Variants in ANKS1B observed in about 807,000 individuals in gnomAD.
The protein encoded by ANKS1B is ankyrin repeat and sterile alpha motif domain containing 1B, also known as ankyrin repeat and sterile alpha motif domain-containing protein 1B.
ANKS1B carries 36 observed loss-of-function variants against 148.3 expected under a neutral mutation model. That is an observed-to-expected ratio of 0.24 (90% CI 0.19 to 0.32). The LOEUF (loss-of-function observed/expected upper bound fraction) is 0.32, where lower values mean the gene tolerates loss of function less well. Among genes scored for constraint, ANKS1B ranks in the 10% least tolerant of loss-of-function variants. The pLI, the probability that ANKS1B is intolerant of heterozygous loss-of-function variation, is 1.00. For missense variants in ANKS1B, 1,157 were observed against 1,542.6 expected, an observed-to-expected ratio of 0.75 and a Z score of 4.19; for synonymous variants, 542 against 560.8, an observed-to-expected ratio of 0.97 and a Z score of 0.47.
At chr12:99,966,177 T>C (rs2095481993) in intron 1 of ANKS1B, among the ~76,000 whole-genome samples, 1 of 152,112 alleles carries the variant, frequency 6.6e-6, no homozygotes, top group Non-Finnish European at 1.5e-5. Flanking sequence ...TTGAATGGGA[T>C]CTGAGGAATA....
chr12:99,467,255 A>T (rs976209998), intron 10 of ANKS1B, among the ~76,000 whole-genome samples: 9 of 152,202 alleles, frequency 5.9e-5, no homozygotes, highest in African/African-American at 2.2e-4. Context: ...CATTCTAAAA[A>T]CTCTCAATAA....
chr12:98,835,264 A>G (rs1354831969), intron 17 of ANKS1B, among the ~76,000 whole-genome samples: 2 of 151,908 alleles, frequency 1.3e-5, no homozygotes, highest in Admixed American at 6.5e-5. Context: ...GTTTTCTCAC[A>G]TATAAAGTGA....
At chr12:99,911,086 G>A (rs2093991275) in intron 1 of ANKS1B, among the ~76,000 whole-genome samples, 2 of 152,004 alleles carry the variant, frequency 1.3e-5, no homozygotes, top group South Asian at 4.1e-4. Flanking sequence ...CTCAATTTAT[G>A]AGAAAACTGA....
intron 8 of ANKS1B, among the ~76,000 whole-genome samples, chr12:99,751,158 C>A (rs376596049): frequency 6.6e-6 from 1 of 151,972 alleles, no homozygotes; most frequent in African/African-American, 2.4e-5. Flanking sequence ...TCTAAACTTT[C>A]TTTAACATTT....
chr12:98,953,789 T>C (rs1333993829), intron 17 of ANKS1B, among the ~76,000 whole-genome samples: 1 of 152,082 alleles, frequency 6.6e-6, no homozygotes, highest in Non-Finnish European at 1.5e-5. Flanking sequence ...AATACTTGCC[T>C]CTGGTAATTT....
intron 9 of ANKS1B, among the ~76,000 whole-genome samples, chr12:99,578,499 CAA>C (rs1461875016): frequency 2.0e-5 from 3 of 152,088 alleles, no homozygotes; most frequent in African/African-American, 4.8e-5. Context: ...ACAACTTCAG[CAA>C]AGTTTCAGAA....
chr12:99,287,903 C>T (rs116800484), intron 12 of ANKS1B, among the ~76,000 whole-genome samples: 2,739 of 152,008 alleles, frequency 0.018, 85 homozygotes, highest in African/African-American at 0.062. Flanking sequence ...ATGAAGAATG[C>T]CCATAAGATG....
chr12:99,520,024 T>C (rs911862136), intron 9 of ANKS1B, among the ~76,000 whole-genome samples: 1 of 152,222 alleles, frequency 6.6e-6, no homozygotes, highest in Non-Finnish European at 1.5e-5. Context: ...GTATTGTGTA[T>C]GTCTTCAAAC....
chr12:99,509,889 G>A (rs543039006), intron 9 of ANKS1B, among the ~76,000 whole-genome samples: 21 of 152,116 alleles, frequency 1.4e-4, no homozygotes, highest in African/African-American at 4.8e-4. Flanking sequence ...AGGGGCTAGT[G>A]CAGTTGATGA....
At chr12:99,377,039 C>T (rs150423964) in intron 12 of ANKS1B, among the ~76,000 whole-genome samples, 2,458 of 151,684 alleles carry the variant, frequency 0.016, 69 homozygotes, top group African/African-American at 0.056. Flanking sequence ...GATGGAGTCT[C>T]GCTCTGTCGC....
At chr12:99,619,177 A>G (rs1325690276) in intron 9 of ANKS1B, among the ~76,000 whole-genome samples, 1 of 151,864 alleles carries the variant, frequency 6.6e-6, no homozygotes, top group East Asian at 2.0e-4. Context: ...ATGGACCCAC[A>G]GCCTGAGCCA....
chr12:99,347,917 C>T (rs1446483065), intron 12 of ANKS1B, among the ~76,000 whole-genome samples: 1 of 151,884 alleles, frequency 6.6e-6, no homozygotes, highest in Non-Finnish European at 1.5e-5. Flanking sequence ...AATCAACTGT[C>T]TTAAATATGT....
intron 1 of ANKS1B, among the ~76,000 whole-genome samples, chr12:99,847,376 T>G (rs2086852139): frequency 6.6e-6 from 1 of 152,148 alleles, no homozygotes; most frequent in Admixed American, 6.5e-5. Context: ...TCATATAAAC[T>G]AGAAATATTA....
At position 99,688,878 on chromosome 12, in the gene ANKS1B, T is replaced by C. The variant is rs202144495; in HGVS notation, c.1129-33668A>G. Among the ~76,000 whole-genome samples, 264 of 144,070 alleles carry C rather than the reference T, an allele frequency of 1.8e-3. 5 individuals carry two copies. The East Asian group carries it at 0.062, about 34-fold the overall frequency. 94.5% of individuals were successfully genotyped at this position (144,070 alleles called of 152,430 possible). On this transcript the variant is annotated intron_variant, in intron 8 of 26. Coordinates refer to ENST00000683438, the MANE Select transcript of ANKS1B (RefSeq NM_001352186.2). ...AATAATTACATGAGCAAGTGCTAAA[T>C]TTAAAAAAAAAAAAAGAGAGAAAAT...
intron 15 of ANKS1B, among the ~76,000 whole-genome samples, chr12:99,146,588 T>C (rs1036652927): frequency 6.6e-6 from 1 of 152,138 alleles, no homozygotes; most frequent in Non-Finnish European, 1.5e-5. Flanking sequence ...ACACCCTCTC[T>C]AGCTCTCGTC....
intron 10 of ANKS1B, among the ~76,000 whole-genome samples, chr12:99,475,670 A>T (rs868860181): frequency 5.3e-4 from 80 of 151,896 alleles, no homozygotes; most frequent in African/African-American, 1.9e-3. Context: ...ATATGGTAAA[A>T]TAAATGACCA....
At chr12:99,098,623 T>C (rs2057009505) in intron 15 of ANKS1B, among the ~76,000 whole-genome samples, 3 of 37,614 alleles carry the variant, frequency 8.0e-5, no homozygotes, top group Admixed American at 2.7e-4. Context: ...GAACTACTTT[T>C]TTTTTTTTTT....
chr12:99,850,284 T>TCTCC (rs1555213549), intron 1 of ANKS1B, among the ~76,000 whole-genome samples: 11,706 of 132,624 alleles, frequency 0.088, 1,056 homozygotes, highest in Middle Eastern at 0.13. Flanking sequence ...CAAGAAAGTC[T>TCTCC]CTCTCTCTCT....
At chr12:99,837,428 C>T (rs1053558308) in intron 1 of ANKS1B, among the ~76,000 whole-genome samples, 2 of 152,110 alleles carry the variant, frequency 1.3e-5, no homozygotes, top group African/African-American at 4.8e-5. Flanking sequence ...AAATATGAGA[C>T]GTTCAGACCT....
Sources: allele counts gnomAD v4.1 joint callset (sites outside exome capture counted in the v4.1 genomes callset), GRCh38; gene constraint gnomAD v4.1.1; transcripts MANE v1.5; gene names NCBI Gene and HGNC (gene_info 2026-07-23, HGNC 2026-07-21).